MED27: variants seen among roughly 807,000 people sequenced by gnomAD.
The protein encoded by MED27 is mediator complex subunit 27, also known as mediator of RNA polymerase II transcription subunit 27.
MED27 carries 30 observed loss-of-function variants against 38.2 expected under a neutral mutation model. The observed-to-expected ratio is 0.79, with a 90% CI of 0.59 to 1.07. The LOEUF (loss-of-function observed/expected upper bound fraction) is 1.07. MED27 is among the 50% of genes least tolerant of loss of function. The pLI, the probability that MED27 is intolerant of heterozygous loss-of-function variation, is 0.00. For synonymous variants in MED27, 122 were observed against 153.5 expected, an observed-to-expected ratio of 0.79 and a Z score of 1.52; for missense variants, 289 against 397.5, an observed-to-expected ratio of 0.73 and a Z score of 2.32.
intron 4 of MED27, among the ~76,000 whole-genome samples, chr9:131,907,790 C>T (rs971920301): frequency 2.4e-4 from 36 of 150,726 alleles, no homozygotes; most frequent in Admixed American, 5.9e-4. Flanking sequence ...TCTTCCCGGC[C>T]GCCATCACAT....
At chr9:132,032,896 G>C (rs1230479490) in intron 2 of MED27, among the ~76,000 whole-genome samples, 1 of 152,186 alleles carries the variant, frequency 6.6e-6, no homozygotes, top group Admixed American at 6.5e-5. Flanking sequence ...TAAATTGTCT[G>C]AGTGTGAATA....
At chr9:132,013,195 C>T (rs1003683280) in intron 3 of MED27, among the ~76,000 whole-genome samples, 2 of 152,192 alleles carry the variant, frequency 1.3e-5, no homozygotes, top group African/African-American at 4.8e-5. Flanking sequence ...AAGAACCCAA[C>T]AGGTTGAACG....
intron 2 of MED27, among the ~76,000 whole-genome samples, chr9:132,027,688 TGA>T (rs60912358): frequency 0.014 from 2,137 of 152,342 alleles, 49 homozygotes; most frequent in African/African-American, 0.049. Flanking sequence ...TGAACTGATG[TGA>T]GTCTATTTAA....
intron 4 of MED27, among the ~76,000 whole-genome samples, chr9:131,926,217 C>T (rs182590442): frequency 1.3e-5 from 2 of 152,370 alleles, no homozygotes; most frequent in South Asian, 2.1e-4. Flanking sequence ...GTGGTCCACG[C>T]CGAACAGTGC....
chr9:132,079,345 G>A (rs916394363), intron 1 of MED27, among the ~76,000 whole-genome samples: 2 of 152,202 alleles, frequency 1.3e-5, no homozygotes, highest in African/African-American at 4.8e-5. Flanking sequence ...GCCAAGCTCA[G>A]AGAAGTGGAA....
At chr9:132,055,315 A>C (rs768070885) in intron 2 of MED27, among the ~76,000 whole-genome samples, 7 of 152,230 alleles carry the variant, frequency 4.6e-5, no homozygotes, top group Non-Finnish European at 7.3e-5. Context: ...GACTGAATCT[A>C]TAAGGAACTG....
At chr9:132,073,549 C>A in intron 2 of MED27, 1 of 1,361,346 alleles carries the variant, frequency 7.3e-7, no homozygotes. Context: ...CAATGTAAAA[C>A]GATTCCAACC....
chr9:131,865,957 C>T (rs541573522), intron 6 of MED27, among the ~76,000 whole-genome samples: 1 of 152,202 alleles, frequency 6.6e-6, no homozygotes, highest in African/African-American at 2.4e-5. Context: ...GGCACTGCCA[C>T]GTGGCCACCA....
At chr9:131,957,117 T>C (rs1487583867) in intron 3 of MED27, among the ~76,000 whole-genome samples, 3 of 152,236 alleles carry the variant, frequency 2.0e-5, no homozygotes, top group Non-Finnish European at 4.4e-5. Flanking sequence ...TTTGGAAAGC[T>C]GTTTAGCAGT....
chr9:132,061,580 T>A (rs1246861004), intron 2 of MED27, among the ~76,000 whole-genome samples: 2 of 152,246 alleles, frequency 1.3e-5, no homozygotes, highest in African/African-American at 4.8e-5. Context: ...ATTAATAAAA[T>A]GCCTTGTTTA....
intron 6 of MED27, among the ~76,000 whole-genome samples, chr9:131,868,105 G>A (rs915227278): frequency 1.3e-5 from 2 of 152,198 alleles, no homozygotes; most frequent in Non-Finnish European, 2.9e-5. Flanking sequence ...TTTTCACAAC[G>A]GGTGCTTGTG....
chr9:131,904,549 C>T (rs9411414), intron 4 of MED27, among the ~76,000 whole-genome samples: 44,838 of 146,800 alleles, frequency 0.31, 7,888 homozygotes, highest in Middle Eastern at 0.4. Flanking sequence ...CGGGGGGGAG[C>T]GGTCTCACTA....
intron 6 of MED27, among the ~76,000 whole-genome samples, chr9:131,874,770 C>T (rs1838899918): frequency 6.6e-6 from 1 of 152,212 alleles, no homozygotes. Flanking sequence ...GAAAAAAGTT[C>T]AGTGCTTTCC....
At chr9:132,022,718 C>T (rs1832742686) in intron 2 of MED27, among the ~76,000 whole-genome samples, 1 of 152,158 alleles carries the variant, frequency 6.6e-6, no homozygotes, top group Non-Finnish European at 1.5e-5. Flanking sequence ...GTTTAATTGA[C>T]TCGCAGTTCC....
At chr9:131,985,917 T>A (rs572831743) in intron 3 of MED27, among the ~76,000 whole-genome samples, 27 of 151,888 alleles carry the variant, frequency 1.8e-4, no homozygotes, top group Non-Finnish European at 3.2e-4. Context: ...CCTAGGCTAA[T>A]GTGTGCATTT....
chr9:131,923,520 C>G (rs1438298891), intron 4 of MED27, among the ~76,000 whole-genome samples: 1 of 152,190 alleles, frequency 6.6e-6, no homozygotes, highest in Non-Finnish European at 1.5e-5. Flanking sequence ...TCTCCTATCC[C>G]CTAAGGCATG....
chr9:131,860,613 A>C lies in MED27; in HGVS notation c.861T>G (p.Phe287Leu). The change falls in exon 8 of 8, where the codon TTT becomes TTG. Residue 287 changes from phenylalanine (F) to leucine (L), a missense_variant. Physicochemically the swap from Phe to Leu is conservative, Grantham distance 22 (BLOSUM62 0). Transcript: ENST00000292035. This position sits in a 1 kb window ranked among gnomAD's most constrained non-coding sequence, Gnocchi z 5.8. The part of the protein sequence containing the change: ...FQAPCQRCGK[F>L]LQDGLPPTWR... ...ATGTCGGGGGAAGGCCGTCCTGCAGAAACTTCCCGCAGCGCTGGCACGGGG... is the reference window on the plus strand; with the variant it reads ...ATGTCGGGGGAAGGCCGTCCTGCAGCAACTTCCCGCAGCGCTGGCACGGGG... 6.2e-7 allele frequency: 1 copy of C among 1,611,056 alleles called. No individual in the cohort carries two copies. The highest frequency in any genetic ancestry group is 2.2e-5 in the East Asian group (1 of 44,738).
In MED27 at chr9:131,913,500, AGT is replaced by A. The variant is rs1830228157; in HGVS notation, c.574-19510_574-19509del. On this transcript the variant is annotated intron_variant, in intron 4 of 7. Transcript: ENST00000292035. This position sits in a 1 kb window ranked among gnomAD's most constrained non-coding sequence, Gnocchi z 4.5. ...TCCTGAGCACACAGTAGGCATATTA[AGT>A]GGTAGCAGTCATCAGAATAATATTC... 2.0e-5 allele frequency among the ~76,000 whole-genome samples: 3 copies of A among 152,334 alleles called. No homozygotes were observed. The South Asian group carries it at 6.2e-4, about 32-fold the overall frequency.
chr9:131,991,133 A>G lies in MED27; in HGVS notation c.479+23204T>C, dbSNP rs528135224. 4.7e-4 allele frequency among the ~76,000 whole-genome samples: 72 copies of G among 152,324 alleles called. 1 individual carries two copies. The highest frequency in any genetic ancestry group is 1.6e-3 in the African/African-American group (65 of 41,574). ...TTCTCATAGCTGCTACTTGTACCCA[A>G]ATATCTTTGAGGCAGCCATACAAAA... is the stretch of plus-strand genomic sequence containing the variant. On this transcript the variant is annotated intron_variant, in intron 3 of 7. Transcript: ENST00000292035.
Sources: allele counts gnomAD v4.1 joint callset (sites outside exome capture counted in the v4.1 genomes callset), GRCh38; gene constraint gnomAD v4.1.1; non-coding constraint Gnocchi (gnomAD v3.1); transcripts MANE v1.5; gene names NCBI Gene and HGNC (gene_info 2026-07-23, HGNC 2026-07-21).